PTPRD: variants seen among roughly 807,000 people sequenced by gnomAD.
PTPRD encodes protein tyrosine phosphatase receptor type D, also known as receptor-type tyrosine-protein phosphatase delta.
Under a neutral mutation model 214.5 loss-of-function variants are expected in PTPRD, and 34 were observed. The ratio of observed to expected loss-of-function variants is 0.16; its 90% CI spans 0.12 to 0.21. The LOEUF (loss-of-function observed/expected upper bound fraction) is 0.21. PTPRD is among the 10% of genes least tolerant of loss of function. PTPRD has a pLI of 1.00. For missense variants in PTPRD, 2,545 were observed against 2,398.7 expected, an observed-to-expected ratio of 1.06 and a Z score of -1.27; for synonymous variants, 1,128 against 845.7, an observed-to-expected ratio of 1.33 and a Z score of -5.79.
chr9:8,603,401 T>C (rs1486445713), intron 14 of PTPRD, among the ~76,000 whole-genome samples: 5 of 152,222 alleles, frequency 3.3e-5, no homozygotes, highest in Non-Finnish European at 5.9e-5. Flanking sequence ...GCTGGGTCTT[T>C]GGCCCTATAG....
intron 9 of PTPRD, among the ~76,000 whole-genome samples, chr9:9,228,519 A>C (rs988253869): frequency 6.6e-6 from 1 of 152,070 alleles, no homozygotes; most frequent in Non-Finnish European, 1.5e-5. Context: ...TCATATATAT[A>C]ATTAATCTAC....
intron 3 of PTPRD, among the ~76,000 whole-genome samples, chr9:10,188,080 A>T (rs568298496): frequency 6.6e-6 from 1 of 152,284 alleles, no homozygotes; most frequent in East Asian, 1.9e-4. Context: ...CTCTGCTAAC[A>T]TTATTTAACA....
intron 2 of PTPRD, among the ~76,000 whole-genome samples, chr9:10,343,056 C>T (rs1396761155): frequency 1.3e-5 from 2 of 152,224 alleles, no homozygotes; most frequent in East Asian, 3.9e-4. Context: ...TACACATGTG[C>T]CATGTTGGTT....
intron 4 of PTPRD, among the ~76,000 whole-genome samples, chr9:9,984,706 G>C (rs2154070633): frequency 6.6e-6 from 1 of 152,234 alleles, no homozygotes; most frequent in East Asian, 1.9e-4. Context: ...TCCCTGCTGG[G>C]AGGACCACAG....
intron 8 of PTPRD, among the ~76,000 whole-genome samples, chr9:9,566,307 G>A (rs187050331): frequency 6.6e-6 from 1 of 151,826 alleles, no homozygotes; most frequent in Admixed American, 6.6e-5. Context: ...TATATATGAA[G>A]GTAAATTATA....
At chr9:10,510,902 C>T (rs1045228138) in intron 2 of PTPRD, among the ~76,000 whole-genome samples, 24 of 152,122 alleles carry the variant, frequency 1.6e-4, no homozygotes, top group African/African-American at 5.3e-4. Context: ...TATTCACTAC[C>T]TCCATGAGAT....
chr9:9,913,930 A>C (rs1475119060), intron 5 of PTPRD, among the ~76,000 whole-genome samples: 1 of 152,164 alleles, frequency 6.6e-6, no homozygotes, highest in Non-Finnish European at 1.5e-5. Context: ...GGGCCAACAC[A>C]GGGCACCATC....
intron 4 of PTPRD, among the ~76,000 whole-genome samples, chr9:10,015,892 G>T (rs951305981): frequency 4.6e-5 from 7 of 152,106 alleles, no homozygotes; most frequent in African/African-American, 1.7e-4. Context: ...GAGAAGTACT[G>T]CTCTCCTGAT....
rs1262781628 is a variant in PTPRD at position 8,465,547 on chromosome 9, A to G, written c.3633T>C (p.Tyr1211=). 4 of 1,612,696 alleles carry G rather than the reference A, an allele frequency of 2.5e-6. No individual in the cohort carries two copies. Among genetic ancestry groups the G allele is most frequent in the Admixed American group, 1.7e-5 (1 of 59,876 alleles). ...GGAGTTGCTTGTTTGTAAATCCACC[A>G]TAATGCTTGTCATCCCCCAGGGTGA... The part of the protein sequence containing the change: ...TEFTLGDDKH[Y]GGFTNKQLQS... Residue 1211 remains tyrosine (Y), a synonymous_variant, in exon 32 of 46, where the codon TAT becomes TAC. Transcript: ENST00000381196.
At chr9:10,333,285 C>T (rs760615072) in intron 3 of PTPRD, among the ~76,000 whole-genome samples, 40 of 151,756 alleles carry the variant, frequency 2.6e-4, no homozygotes, top group African/African-American at 9.7e-4. Flanking sequence ...CACCCAGGAA[C>T]AACCACAGGA....
At position 8,517,867 on chromosome 9, in the gene PTPRD, T is replaced by A. The variant is rs2138452408; in HGVS notation, c.1524A>T (p.Gln508His). The change falls in exon 21 of 46, where the codon CAA becomes CAT. Residue 508 changes from glutamine to histidine, a missense_variant. Gln to His is a conservative substitution (Grantham distance 24). Transcript: ENST00000381196. ...ACTTACCTCCTGTCTGAGTGATGAC[T>A]TGTATGTCACTTGAAAGGGGACCAT... Reference protein sequence around the residue: ...IGDGPLSSDIQVITQTGVPGQ... With the variant: ...IGDGPLSSDIHVITQTGVPGQ... The A allele has an allele frequency of 6.2e-7, 1 of 1,613,784 alleles. No individual in the cohort carries two copies. Among genetic ancestry groups the A allele is most frequent in the East Asian group, 2.2e-5 (1 of 44,874 alleles).
At chr9:9,387,832 G>A (rs1448499227) in intron 9 of PTPRD, among the ~76,000 whole-genome samples, 1 of 152,030 alleles carries the variant, frequency 6.6e-6, no homozygotes, top group East Asian at 1.9e-4. Flanking sequence ...CAATGTCTGT[G>A]GTAAAAATGA....
intron 5 of PTPRD, among the ~76,000 whole-genome samples, chr9:9,931,616 A>T (rs992104799): frequency 7.2e-5 from 11 of 151,870 alleles, no homozygotes; most frequent in Admixed American, 2.0e-4. Flanking sequence ...CAGCAGTCTG[A>T]GATCAAACTG....
chr9:10,137,604 T>G (rs2098951350), intron 3 of PTPRD, among the ~76,000 whole-genome samples: 2 of 83,424 alleles, frequency 2.4e-5, no homozygotes, highest in Admixed American at 1.4e-4. Flanking sequence ...TAATGCTAGA[T>G]GACACATTAG....
chr9:9,763,973 C>T (rs1233688307), intron 6 of PTPRD, among the ~76,000 whole-genome samples: 1 of 151,916 alleles, frequency 6.6e-6, no homozygotes, highest in Non-Finnish European at 1.5e-5. Flanking sequence ...AGGTGTCAAC[C>T]CCTCCAAGAA....
At chr9:8,799,615 G>C (rs550072928) in intron 11 of PTPRD, among the ~76,000 whole-genome samples, 2 of 152,258 alleles carry the variant, frequency 1.3e-5, no homozygotes, top group South Asian at 4.1e-4. Flanking sequence ...CAAAGTCTTA[G>C]CAACCAACTG....
chr9:8,547,744 T>C (rs1027957078), intron 14 of PTPRD, among the ~76,000 whole-genome samples: 11 of 151,334 alleles, frequency 7.3e-5, no homozygotes, highest in Admixed American at 5.9e-4. Flanking sequence ...AAATGATAAA[T>C]ATCACAAAGA....
intron 11 of PTPRD, among the ~76,000 whole-genome samples, chr9:8,759,134 G>A (rs565326865): frequency 1.4e-4 from 21 of 152,086 alleles, no homozygotes; most frequent in African/African-American, 3.1e-4. Context: ...GAGGTCAAGC[G>A]ATCCTCCTGC....
chr9:8,844,226 T>C (rs757310971), intron 11 of PTPRD, among the ~76,000 whole-genome samples: 1 of 152,200 alleles, frequency 6.6e-6, no homozygotes, highest in African/African-American at 2.4e-5. Flanking sequence ...TATCTATGGA[T>C]TTGCTTACAT....
Sources: allele counts gnomAD v4.1 joint callset (sites outside exome capture counted in the v4.1 genomes callset), GRCh38; gene constraint gnomAD v4.1.1; transcripts MANE v1.5; gene names NCBI Gene and HGNC (gene_info 2026-07-23, HGNC 2026-07-21).